TSPAN7: variants seen among roughly 807,000 people sequenced by gnomAD.
TSPAN7 encodes the protein tetraspanin 7.
A neutral mutation model predicts 17.6 loss-of-function variants in TSPAN7; 1 was observed. The ratio of observed to expected loss-of-function variants is 0.06; its 90% CI spans 0.02 to 0.27. TSPAN7 has a LOEUF of 0.27. Ranked by LOEUF, TSPAN7 falls within the 10% of genes least tolerant of loss-of-function variation. The pLI is 1.00. For synonymous variants in TSPAN7, 78 were observed against 79.0 expected (o/e 0.99, Z 0.07); for missense variants, 112 against 201.7 (o/e 0.56, Z 2.69).
intron 1 of TSPAN7, among the ~76,000 whole-genome samples, chrX:38,586,448 T>C (rs985793283): frequency 8.0e-5 from 9 of 112,394 alleles, no homozygotes; most frequent in Non-Finnish European, 1.3e-4. Flanking sequence ...TGTTAGGAGA[T>C]GAAAAGATTA....
At chrX:38,594,660 T>C (rs1475259785) in intron 1 of TSPAN7, among the ~76,000 whole-genome samples, 1 of 112,127 alleles carries the variant, frequency 8.9e-6, no homozygotes, top group Non-Finnish European at 1.9e-5. Flanking sequence ...CAGATACTTT[T>C]TTGCACTTTG....
At chrX:38,635,342 G>T (rs940247781) in intron 1 of TSPAN7, among the ~76,000 whole-genome samples, 4 of 111,313 alleles carry the variant, frequency 3.6e-5, no homozygotes, top group Admixed American at 9.5e-5. Flanking sequence ...TGGGTGCAAG[G>T]ATTTTCTAGT....
At chrX:38,682,608 T>G (rs1372350279) in intron 6 of TSPAN7, among the ~76,000 whole-genome samples, 1 of 112,448 alleles carries the variant, frequency 8.9e-6, no homozygotes, top group East Asian at 2.8e-4. Context: ...ATATGTTTCT[T>G]GTTGCAATTT....
intron 1 of TSPAN7, among the ~76,000 whole-genome samples, chrX:38,642,507 A>G (rs2069618791): frequency 8.9e-6 from 1 of 112,161 alleles, no homozygotes; most frequent in African/African-American, 3.2e-5. Flanking sequence ...AATGGCTATA[A>G]ACAGTGGCCT....
At chrX:38,585,367 A>G (rs763838042) in intron 1 of TSPAN7, among the ~76,000 whole-genome samples, 1 of 111,616 alleles carries the variant, frequency 9.0e-6, no homozygotes, top group East Asian at 2.8e-4. Flanking sequence ...AATAATGAGG[A>G]AGTACATATT....
intron 1 of TSPAN7, among the ~76,000 whole-genome samples, chrX:38,565,610 G>A (rs1012600060): frequency 8.9e-6 from 1 of 112,237 alleles, no homozygotes; most frequent in Non-Finnish European, 1.9e-5. Context: ...GTTTTAATAG[G>A]AATTTTTCCC....
At chrX:38,569,881 G>A (rs1282564446) in intron 1 of TSPAN7, among the ~76,000 whole-genome samples, 1 of 111,824 alleles carries the variant, frequency 8.9e-6, no homozygotes, top group Non-Finnish European at 1.9e-5. Context: ...AGTTGATTGT[G>A]AGTGATTGAA....
chrX:38,648,517 A>G (rs184973152), intron 1 of TSPAN7, among the ~76,000 whole-genome samples: 16 of 112,307 alleles, frequency 1.4e-4, no homozygotes, highest in African/African-American at 4.8e-4. Context: ...TGGCACAATT[A>G]TGGCTCACTG....
At chrX:38,659,972 A>G (rs1294424022) in intron 1 of TSPAN7, among the ~76,000 whole-genome samples, 1 of 107,900 alleles carries the variant, frequency 9.3e-6, no homozygotes, top group African/African-American at 3.4e-5. Flanking sequence ...GATTACAGGC[A>G]CGCACCACCA....
At chrX:38,655,337 T>C (rs1220851134) in intron 1 of TSPAN7, among the ~76,000 whole-genome samples, 1 of 111,059 alleles carries the variant, frequency 9.0e-6, no homozygotes, top group East Asian at 2.8e-4. Flanking sequence ...TACTATTACC[T>C]TAAAGTTATT....
At chrX:38,649,958 G>GC (rs1482062356) in intron 1 of TSPAN7, among the ~76,000 whole-genome samples, 1 of 111,896 alleles carries the variant, frequency 8.9e-6, no homozygotes, top group African/African-American at 3.3e-5. Context: ...CCTGAGACAG[G>GC]CCCCTCAGAT....
At position 38,659,001 on chromosome X, in the gene TSPAN7, TACACACACACAC is replaced by T. The variant is rs71903430; in HGVS notation, c.82-7093_82-7082del. ...GCCATATAACATGTATTATCTTCCA[TACACACACACAC>T]ACACACACACACACACACACACACA... On this transcript the variant is annotated intron_variant, in intron 1 of 7. Transcript: ENST00000378482. Among the ~76,000 whole-genome samples the T allele has an allele frequency of 4.5e-3, 431 of 96,153 alleles. 1 individual carries two copies. The highest frequency in any genetic ancestry group is 6.5e-3 in the Non-Finnish European group (317 of 48,714). 83.5% of individuals were successfully genotyped at this position (96,153 alleles called of 115,157 possible).
chrX:38,646,436 A>G, intron 1 of TSPAN7: 1 of 622,663 alleles, frequency 1.6e-6, no homozygotes, highest in Non-Finnish European at 2.3e-6. Context: ...TAGAAATATT[A>G]GGAGCAGTGA....
chrX:38,567,682 G>A lies in TSPAN7; in HGVS notation c.81+6055G>A, dbSNP rs369886480. 1.7e-4 allele frequency among the ~76,000 whole-genome samples: 19 copies of A among 112,357 alleles called. No homozygotes were observed. In the South Asian group the frequency reaches 7.0e-3, roughly 41 times the overall value. ...TGTGTACCAACGTTTACTAGCTGCT[G>A]CTTTTGGCATTTTACCTGCATTTTA... On this transcript the variant is annotated intron_variant, in intron 1 of 7. Coordinates refer to ENST00000378482, the MANE Select transcript of TSPAN7 (RefSeq NM_004615.4).
intron 1 of TSPAN7, among the ~76,000 whole-genome samples, chrX:38,622,504 C>T (rs1396704332): frequency 8.9e-6 from 1 of 111,978 alleles, no homozygotes; most frequent in African/African-American, 3.3e-5. Context: ...GCTGTGGTTG[C>T]ACTACTGAGC....
chrX:38,671,253 A>T, intron 2 of TSPAN7, 123 bp from the exon 3 acceptor site: 1 of 674,435 alleles, frequency 1.5e-6, no homozygotes, highest in South Asian at 2.2e-5. Context: ...ATTTTTTTCT[A>T]AACTTTGTCT....
At chrX:38,649,207 G>A (rs181336209) in intron 1 of TSPAN7, among the ~76,000 whole-genome samples, 10 of 110,970 alleles carry the variant, frequency 9.0e-5, no homozygotes, top group Non-Finnish European at 1.7e-4. Context: ...TCTGATGACC[G>A]CCAAGCCCTC....
intron 1 of TSPAN7, among the ~76,000 whole-genome samples, chrX:38,605,447 T>G (rs1321647916): frequency 9.0e-6 from 1 of 110,827 alleles, no homozygotes; most frequent in Non-Finnish European, 1.9e-5. Context: ...TATGCTCATG[T>G]GTAGGAAGAA....
chrX:38,652,777 C>T (rs5963523), intron 1 of TSPAN7, among the ~76,000 whole-genome samples: 36,983 of 111,125 alleles, frequency 0.33, 4,583 homozygotes, highest in East Asian at 0.68. Context: ...TCCCACTCTG[C>T]GTTTACCCAT....
Sources: allele counts gnomAD v4.1 joint callset (sites outside exome capture counted in the v4.1 genomes callset), GRCh38; gene constraint gnomAD v4.1.1; transcripts MANE v1.5; gene names NCBI Gene and HGNC (gene_info 2026-07-23, HGNC 2026-07-21).